The following NHP2 variants were observed in gnomAD, a reference collection of about 807,000 sequenced individuals.
NHP2 encodes the protein NHP2 ribonucleoprotein.
NHP2 carries 10 observed loss-of-function variants against 16.7 expected under a neutral mutation model. That is an observed-to-expected ratio of 0.60 (90% confidence interval 0.37 to 1.01). The LOEUF is 1.01. NHP2 is among the 50% of genes least tolerant of loss of function. The pLI is 0.01. For missense variants in NHP2, 184 were observed against 198.3 expected (o/e 0.93, Z 0.43); for synonymous variants, 87 against 78.9 (o/e 1.10, Z -0.54).
rs756390067 is a variant in NHP2 at position 178,149,606 on chromosome 5, G to C, written c.*107C>G. 26 of 1,477,954 alleles carry C rather than the reference G, an allele frequency of 1.8e-5. No homozygotes were observed. The highest frequency in any genetic ancestry group is 2.3e-5 in the Non-Finnish European group (25 of 1,071,856). The allele number at this position is 1,477,954 out of a possible 1,614,324, so 91.6% of individuals were successfully genotyped here. On this transcript the variant is annotated 3_prime_UTR_variant, in exon 4 of 4. Coordinates refer to ENST00000274606, the MANE Select transcript of NHP2 (RefSeq NM_017838.4). ...TGCCTGGGAAGAAGGCGTGCCTTGG[G>C]GAACTGGGAAGATGCCGTCAGTGTG...
rs1490611038 is a variant in NHP2, at chr5:178,150,951, G to A, written c.273C>T (p.Tyr91=). The A allele has an allele frequency of 6.2e-7, 1 of 1,614,070 alleles. No homozygotes were observed. Among genetic ancestry groups the A allele is most frequent in the South Asian group, 1.1e-5 (1 of 91,082 alleles). ...CCTCACACATGACTGGGAGATGGCA[G>A]TATACCTCAATGGGCAGTGTGTCTC... ...LAGDTLPIEV[Y]CHLPVMCEDR... is the part of the protein sequence containing the mutation. Residue 91 remains tyrosine, a synonymous_variant, in exon 3 of 4, where the codon TAC becomes TAT. Transcript: ENST00000274606.
intron 3 of NHP2, chr5:178,150,674 C>T (rs780682115): frequency 2.3e-5 from 16 of 696,196 alleles, no homozygotes; most frequent in Non-Finnish European, 3.9e-5. Flanking sequence ...TGAGCCACAG[C>T]GCCTGGGCTG....
intron 3 of NHP2, chr5:178,150,558 T>G (rs1440821226): frequency 4.8e-6 from 2 of 412,698 alleles, no homozygotes; most frequent in Non-Finnish European, 9.3e-6. Flanking sequence ...TAAAAAAATT[T>G]TTTTTGTAGA....
intron 3 of NHP2, chr5:178,150,669 C>G (rs972206053): frequency 1.4e-6 from 1 of 690,322 alleles, no homozygotes. Flanking sequence ...AGGTGTGAGC[C>G]ACAGCGCCTG....
chr5:178,150,320 C>T, intron 3 of NHP2: 1 of 231,512 alleles, frequency 4.3e-6, no homozygotes, highest in Non-Finnish European at 8.8e-6. Context: ...TCCTTCAGAA[C>T]AGGGCCTCCT....
chr5:178,149,689 G>C lies in NHP2; in HGVS notation c.*24C>G, dbSNP rs372641598. The C allele has an allele frequency of 3.9e-5, 63 of 1,612,266 alleles. No homozygotes were observed. In the African/African-American group the frequency reaches 7.6e-4, roughly 19 times the overall value. On this transcript the variant is annotated 3_prime_UTR_variant, in exon 4 of 4. Coordinates refer to ENST00000274606, the MANE Select transcript of NHP2 (RefSeq NM_017838.4). Reference sequence around the variant, plus strand: ...CCAGCCCAATAGCTTCCAGCGGCAGGTGCCCAGGTGCTACCGGAGCCCCTC... The same window carrying C: ...CCAGCCCAATAGCTTCCAGCGGCAGCTGCCCAGGTGCTACCGGAGCCCCTC...
intron 2 of NHP2, 157 bp downstream of exon 2, chr5:178,153,331 TGTC>T (rs1756320891): frequency 4.1e-6 from 3 of 738,926 alleles, no homozygotes; most frequent in African/African-American, 1.7e-5. Context: ...GTACCGGTAT[TGTC>T]GTACCGGTAT....
chr5:178,150,100 G>C (rs939850132), intron 3 of NHP2: 1 of 366,450 alleles, frequency 2.7e-6, no homozygotes. Flanking sequence ...CCCGGTCCCT[G>C]CCACCCCCAC....
intron 3 of NHP2, 49 bp from the exon 4 acceptor site, chr5:178,149,887 A>ACAGTTGG (rs1304087221): frequency 6.2e-7 from 1 of 1,605,086 alleles, no homozygotes; most frequent in East Asian, 2.2e-5. Context: ...TACAACCTGT[A>ACAGTTGG]TGCCAGGAAG....
In NHP2 at chr5:178,151,823, C is replaced by T. The variant is rs138487547; in HGVS notation, c.231-830G>A. Reference sequence around the variant, plus strand: ...CCAGCCTGGCCCTCTCTCTTCCATGCTCCAAACCCCTATAGCCATCTGCCT... The same window carrying T: ...CCAGCCTGGCCCTCTCTCTTCCATGTTCCAAACCCCTATAGCCATCTGCCT... On this transcript the variant is annotated intron_variant, in intron 2 of 3. Transcript: ENST00000274606. Among the ~76,000 whole-genome samples the T allele has an allele frequency of 2.4e-4, 36 of 152,236 alleles. No homozygotes were observed. The East Asian group carries it at 6.2e-3, about 26-fold the overall frequency.
chr5:178,153,593 G>A, intron 1 of NHP2, 33 bp from the exon 2 acceptor site: 1 of 1,612,718 alleles, frequency 6.2e-7, no homozygotes, highest in Non-Finnish European at 8.5e-7. Flanking sequence ...CGGGGGCCTC[G>A]CTCAGCCACC....
Position 178,153,643 on chromosome 5 carries a change from C to G in NHP2, c.160+15G>C, listed in dbSNP as rs543894003. Reference sequence around the variant, plus strand: ...ACCCGCGCACCCATCCCGGCCACGCCGCCGTCCGCCTCACCTTTCTTGATG... The same window carrying G: ...ACCCGCGCACCCATCCCGGCCACGCGGCCGTCCGCCTCACCTTTCTTGATG... On this transcript the variant is annotated intron_variant, in intron 1 of 3. Coordinates refer to ENST00000274606, the MANE Select transcript of NHP2 (RefSeq NM_017838.4). The G allele has an allele frequency of 1.9e-6, 3 of 1,613,178 alleles. No individual in the cohort carries two copies. Among genetic ancestry groups the G allele is most frequent in the Non-Finnish European group, 2.5e-6 (3 of 1,179,316 alleles).
intron 3 of NHP2, chr5:178,150,567 G>T: frequency 2.3e-6 from 1 of 440,874 alleles, no homozygotes; most frequent in African/African-American, 2.0e-5. Flanking sequence ...TTTTTTTGTA[G>T]AGATGGAGTC....
chr5:178,151,558 T>C (rs780898483), intron 2 of NHP2, among the ~76,000 whole-genome samples: 1 of 152,208 alleles, frequency 6.6e-6, no homozygotes, highest in Non-Finnish European at 1.5e-5. Context: ...TCTCCCATGC[T>C]GGATAACAGG....
In NHP2 at chr5:178,149,625, C is replaced by G. The variant is rs960404683; in HGVS notation, c.*88G>C. On this transcript the variant is annotated 3_prime_UTR_variant, in exon 4 of 4. Transcript: ENST00000274606. ...CCTTGGGGAACTGGGAAGATGCCGT[C>G]AGTGTGGGTGGGCAGGAGGACAGCC... The G allele has an allele frequency of 3.4e-5, 54 of 1,568,942 alleles. No individual in the cohort carries two copies. The highest frequency in any genetic ancestry group is 4.6e-5 in the Non-Finnish European group (53 of 1,146,550).
intron 2 of NHP2, chr5:178,153,195 A>C: frequency 4.2e-6 from 2 of 478,322 alleles, no homozygotes; most frequent in Non-Finnish European, 7.7e-6. Flanking sequence ...GCCGGAGGTA[A>C]TCTGAGGCAA....
intron 3 of NHP2, chr5:178,150,448 A>G: frequency 2.8e-6 from 1 of 351,410 alleles, no homozygotes; most frequent in South Asian, 2.2e-5. Context: ...GTGTATGATC[A>G]TGGCTCACTG....
rs747921841 is a variant in NHP2, at chr5:178,149,778, C to T, written c.397G>A (p.Glu133Lys). 1.2e-6 allele frequency: 2 copies of T among 1,614,012 alleles called. No homozygotes were observed. The highest frequency in any genetic ancestry group is 1.7e-6 in the Non-Finnish European group (2 of 1,179,906). ...PTCVIMVKPHEEYQEAYDECL... is the reference protein window; with the variant it reads ...PTCVIMVKPHKEYQEAYDECL... ...TCATCGTAAGCCTCCTGGTACTCCT[C>T]ATGGGGCTTGACCATTATCACACAG... Residue 133 changes from glutamate to lysine, a missense_variant, in exon 4 of 4, where the codon GAG (glutamate) becomes AAG (lysine). Transcript: ENST00000274606.
intron 3 of NHP2, 55 bp downstream of exon 3, chr5:178,150,833 G>T: frequency 8.7e-7 from 1 of 1,146,480 alleles, no homozygotes; most frequent in Non-Finnish European, 1.3e-6. Flanking sequence ...TGCTATGGCA[G>T]ACTATCCCAG....
Sources: allele counts gnomAD v4.1 joint callset (sites outside exome capture counted in the v4.1 genomes callset), GRCh38; gene constraint gnomAD v4.1.1; transcripts MANE v1.5; gene names NCBI Gene and HGNC (gene_info 2026-07-23, HGNC 2026-07-21).